The following SORCS1 variants were observed in gnomAD, a reference collection of about 807,000 sequenced individuals.
SORCS1 encodes the protein VPS10 domain-containing receptor SorCS1.
In SORCS1, 60 loss-of-function variants were observed where a neutral mutation model predicts 146.1. That is an observed-to-expected ratio of 0.41 (90% CI 0.33 to 0.51). SORCS1 has a LOEUF of 0.51. Ranked by LOEUF, SORCS1 falls within the 20% of genes least tolerant of loss-of-function variation. The pLI is 0.21. For synonymous variants in SORCS1, 637 were observed against 584.0 expected (o/e 1.09, Z -1.31); for missense variants, 1,352 against 1,487.6 (o/e 0.91, Z 1.50).
chr10:106,759,520 TAATATC>T (rs1184528062), intron 5 of SORCS1, among the ~76,000 whole-genome samples: 1 of 151,600 alleles, frequency 6.6e-6, no homozygotes, highest in Non-Finnish European at 1.5e-5. Context: ...TGATAAATAT[TAATATC>T]AAAATCACAC....
intron 2 of SORCS1, among the ~76,000 whole-genome samples, chr10:106,855,217 A>G (rs1949738522): frequency 6.6e-6 from 1 of 152,186 alleles, no homozygotes. Flanking sequence ...TTGCCTGTAT[A>G]GATCTGAGAA....
intron 3 of SORCS1, among the ~76,000 whole-genome samples, chr10:106,798,107 T>A (rs1946668861): frequency 6.6e-6 from 1 of 152,166 alleles, no homozygotes; most frequent in Admixed American, 6.5e-5. Context: ...GCTGTTCTTG[T>A]GATAGCGAAT....
At chr10:107,150,435 A>C (rs1968689245) in intron 1 of SORCS1, among the ~76,000 whole-genome samples, 1 of 152,240 alleles carries the variant, frequency 6.6e-6, no homozygotes. Flanking sequence ...ATATGGCTTC[A>C]AAGCCATCAC....
chr10:106,706,521 T>A, intron 8 of SORCS1, 24 bp downstream of exon 8: 14 of 1,610,296 alleles, frequency 8.7e-6, no homozygotes, highest in Non-Finnish European at 1.2e-5. Flanking sequence ...AAGAGTGAAA[T>A]GAAGAAAGTG....
At chr10:107,019,700 C>T (rs1260024028) in intron 1 of SORCS1, among the ~76,000 whole-genome samples, 1 of 152,194 alleles carries the variant, frequency 6.6e-6, no homozygotes, top group Admixed American at 6.5e-5. Context: ...TTCAGAAATG[C>T]CAAAGGCATG....
At chr10:106,809,602 G>T (rs1947360121) in intron 3 of SORCS1, among the ~76,000 whole-genome samples, 1 of 152,148 alleles carries the variant, frequency 6.6e-6, no homozygotes, top group South Asian at 2.1e-4. Context: ...GGCTAGTAAA[G>T]GTGACATCTG....
intron 1 of SORCS1, among the ~76,000 whole-genome samples, chr10:107,094,170 T>C (rs749032308): frequency 2.6e-5 from 4 of 152,198 alleles, no homozygotes; most frequent in Admixed American, 6.5e-5. Context: ...ATAAGATCTA[T>C]GAAGGCAAAC....
intron 18 of SORCS1, among the ~76,000 whole-genome samples, chr10:106,640,046 T>C (rs186663966): frequency 6.6e-6 from 1 of 151,816 alleles, no homozygotes; most frequent in South Asian, 2.1e-4. Flanking sequence ...AACTGATGCC[T>C]GCCTCAACAT....
intron 2 of SORCS1, among the ~76,000 whole-genome samples, chr10:106,936,744 A>C (rs187006486): frequency 2.0e-4 from 30 of 152,320 alleles, no homozygotes; most frequent in African/African-American, 7.2e-4. Context: ...TCATTCCCTT[A>C]AGAGGAAGCA....
chr10:107,118,641 G>A (rs1245948055), intron 1 of SORCS1, among the ~76,000 whole-genome samples: 1 of 152,138 alleles, frequency 6.6e-6, no homozygotes, highest in Non-Finnish European at 1.5e-5. Context: ...CAGATGAATT[G>A]ATATCTAGGT....
chr10:106,760,285 A>G (rs905048098), intron 5 of SORCS1, among the ~76,000 whole-genome samples: 1 of 151,910 alleles, frequency 6.6e-6, no homozygotes, highest in Admixed American at 6.6e-5. Context: ...TCTACTAAAA[A>G]TACAAAAACT....
At chr10:106,728,466 G>A (rs1038530551) in intron 6 of SORCS1, among the ~76,000 whole-genome samples, 1 of 152,170 alleles carries the variant, frequency 6.6e-6, no homozygotes, top group Non-Finnish European at 1.5e-5. Context: ...ACAGTGCTGG[G>A]CATGTTACAT....
At chr10:107,101,647 C>A (rs182274877) in intron 1 of SORCS1, among the ~76,000 whole-genome samples, 46 of 152,148 alleles carry the variant, frequency 3.0e-4, no homozygotes, top group African/African-American at 1.0e-3. Flanking sequence ...TAGGACTGAA[C>A]CAATGCACCG....
intron 1 of SORCS1, among the ~76,000 whole-genome samples, chr10:107,072,213 T>C (rs1160039884): frequency 6.6e-6 from 1 of 152,200 alleles, no homozygotes; most frequent in Non-Finnish European, 1.5e-5. Flanking sequence ...AAGCACCCTC[T>C]GCTTGCAGAG....
At chr10:106,784,300 C>A (rs1945940057) in intron 3 of SORCS1, among the ~76,000 whole-genome samples, 1 of 150,770 alleles carries the variant, frequency 6.6e-6, no homozygotes, top group Non-Finnish European at 1.5e-5. Flanking sequence ...GAGGCTGAGG[C>A]AGGAGAATGG....
intron 2 of SORCS1, among the ~76,000 whole-genome samples, chr10:106,886,980 T>C (rs897117365): frequency 2.6e-5 from 4 of 152,178 alleles, no homozygotes; most frequent in Admixed American, 6.5e-5. Flanking sequence ...ACTGTGACCT[T>C]GAAAATATAA....
At chr10:107,096,909 A>T (rs1229037813) in intron 1 of SORCS1, among the ~76,000 whole-genome samples, 2 of 152,110 alleles carry the variant, frequency 1.3e-5, no homozygotes, top group Non-Finnish European at 2.9e-5. Flanking sequence ...TCTAGTTTTC[A>T]TGTAGATTGC....
chr10:107,165,029 C>G (rs1296021615), upstream of SORCS1, among the ~76,000 whole-genome samples: 1 of 151,730 alleles, frequency 6.6e-6, no homozygotes, highest in African/African-American at 2.4e-5. This position sits in a 1 kb window ranked among gnomAD's most constrained non-coding sequence, Gnocchi z 4.0. Flanking sequence ...CCCGGGCTCC[C>G]GGAGCAGTCG....
chr10:106,586,807 T>A (rs1461313936), intron 24 of SORCS1, among the ~76,000 whole-genome samples: 3 of 152,032 alleles, frequency 2.0e-5, no homozygotes. Context: ...AATAAAAATA[T>A]TAATTGGATG....
Sources: gnomAD v4.1 joint callset for allele counts (sites outside exome capture counted in the v4.1 genomes callset) on GRCh38, gnomAD v4.1.1 for gene constraint, Gnocchi (gnomAD v3.1) non-coding constraint, MANE v1.5 for transcripts, NCBI Gene and HGNC (gene_info 2026-07-23, HGNC 2026-07-21) for gene names.